NFASC: variants seen among roughly 807,000 people sequenced by gnomAD.
NFASC encodes neurofascin, also known as neurofascin homolog.
In NFASC, 43 loss-of-function variants were observed where a neutral mutation model predicts 147.5. The observed-to-expected ratio is 0.29, with a 90% CI of 0.23 to 0.38. The LOEUF (loss-of-function observed/expected upper bound fraction) is 0.38, where lower values mean the gene tolerates loss of function less well. Ranked by LOEUF, NFASC falls within the 10% of genes least tolerant of loss-of-function variation. The pLI is 1.00. For synonymous variants in NFASC, 622 were observed against 665.5 expected, an observed-to-expected ratio of 0.93 and a Z score of 1.01; for missense variants, 1,320 against 1,689.0, an observed-to-expected ratio of 0.78 and a Z score of 3.83.
intron 1 of NFASC, among the ~76,000 whole-genome samples, chr1:204,836,487 T>C (rs566935183): frequency 2.6e-5 from 4 of 152,314 alleles, no homozygotes; most frequent in Admixed American, 2.0e-4. Flanking sequence ...AGCCAGAGTT[T>C]TATTTGGGGG....
chr1:204,982,568 C>T (rs1270323053), intron 21 of NFASC, among the ~76,000 whole-genome samples: 1 of 152,264 alleles, frequency 6.6e-6, no homozygotes, highest in Non-Finnish European at 1.5e-5. Context: ...CTGCGGCTCC[C>T]AGCCCTGGGA....
At chr1:204,966,620 T>C (rs2094963300) in intron 8 of NFASC, among the ~76,000 whole-genome samples, 1 of 152,192 alleles carries the variant, frequency 6.6e-6, no homozygotes, top group African/African-American at 2.4e-5. Flanking sequence ...ATTAACCACA[T>C]AATGGATTAA....
At position 204,969,000 on chromosome 1, in the gene NFASC, A is replaced by G; in HGVS notation, c.1003+18A>G. Reference sequence around the variant, plus strand: ...AGTAAAGGGTACGTTGTGTGTATTTATCATTATGATTATGTTGCCAACCCT... The same window carrying G: ...AGTAAAGGGTACGTTGTGTGTATTTGTCATTATGATTATGTTGCCAACCCT... On this transcript the variant is annotated intron_variant, in intron 10 of 29. Coordinates refer to ENST00000339876, the MANE Select transcript of NFASC (RefSeq NM_001005388.3). The surrounding 1 kb of genome is among the most constrained non-coding windows in gnomAD (Gnocchi z 5.4). 1 of 1,603,288 alleles carries G rather than the reference A, an allele frequency of 6.2e-7. No individual in the cohort carries two copies. Among genetic ancestry groups the G allele is most frequent in the Non-Finnish European group, 8.5e-7 (1 of 1,172,712 alleles).
In NFASC at chr1:204,975,156, G is replaced by C. The variant is rs1038756174; in HGVS notation, c.1559-115G>C. On this transcript the variant is annotated intron_variant, in intron 14 of 29. Coordinates refer to ENST00000339876, the MANE Select transcript of NFASC (RefSeq NM_001005388.3). This position sits in a 1 kb window ranked among gnomAD's most constrained non-coding sequence, Gnocchi z 4.0. ...GTTCATACCATAGCATACTGTTTGT[G>C]CCCCACTCCATAGTTGGCCCAAGGC... is the stretch of plus-strand genomic sequence containing the variant. The C allele has an allele frequency of 2.6e-6, 3 of 1,144,790 alleles. No individual in the cohort carries two copies. In the African/African-American group the frequency reaches 4.6e-5, roughly 18 times the overall value. 70.9% of individuals were successfully genotyped at this position (1,144,790 alleles called of 1,614,324 possible).
rs1357130732 is a variant in NFASC at position 204,979,375 on chromosome 1, G to A, written c.1992G>A (p.Gln664=). 1.2e-6 allele frequency: 2 copies of A among 1,614,168 alleles called. No individual in the cohort carries two copies. Among genetic ancestry groups the A allele is most frequent in the East Asian group, 2.2e-5 (1 of 44,896 alleles). ...NNSPITDYVV[Q]FEEDQFQPGV... ...TTGCCCACTCAGACTACGTCGTCCA[G>A]TTTGAAGAAGACCAGTTCCAACCTG... Residue 664 remains glutamine, a synonymous_variant, in exon 19 of 30, where the codon CAG becomes CAA. Coordinates refer to ENST00000339876, the MANE Select transcript of NFASC (RefSeq NM_001005388.3). The surrounding 1 kb of genome is among the most constrained non-coding windows in gnomAD (Gnocchi z 6.0).
At chr1:204,890,123 T>A (rs573886471) in intron 1 of NFASC, among the ~76,000 whole-genome samples, 124 of 152,192 alleles carry the variant, frequency 8.1e-4, no homozygotes, top group African/African-American at 2.7e-3. Flanking sequence ...ATTGGTTGAC[T>A]TGCCTGACAG....
At chr1:204,849,210 C>T (rs866616992) in intron 1 of NFASC, among the ~76,000 whole-genome samples, 50 of 152,302 alleles carry the variant, frequency 3.3e-4, no homozygotes, top group African/African-American at 1.1e-3. Context: ...GCCTCTCTAC[C>T]GAAACTAGCT....
Position 204,968,872 on chromosome 1 carries a change from A to G in NFASC, c.893A>G (p.Asn298Ser), listed in dbSNP as rs1354123607. 8.7e-6 allele frequency: 14 copies of G among 1,613,964 alleles called. No individual in the cohort carries two copies. The highest frequency in any genetic ancestry group is 1.1e-5 in the Non-Finnish European group (13 of 1,180,022). Residue 298 changes from asparagine to serine, a missense_variant, in exon 10 of 30, where the codon AAT becomes AGT. This residue lies in a region of NFASC where 981 missense variants were observed against 1,289.5 expected (regional missense o/e 0.76). Coordinates refer to ENST00000339876, the MANE Select transcript of NFASC (RefSeq NM_001005388.3). This position sits in a 1 kb window ranked among gnomAD's most constrained non-coding sequence, Gnocchi z 5.4. ...GATAAGGCCAAGTTTGAGAACTTTA[A>G]TAAGGCCCTGCGTATCACAAATGTC... ...PSDKAKFENFNKALRITNVSE... is the reference protein window; with the variant it reads ...PSDKAKFENFSKALRITNVSE...
intron 13 of NFASC, 61 bp from the exon 14 acceptor site, chr1:204,974,596 G>T (rs755117121): frequency 3.2e-6 from 5 of 1,574,240 alleles, no homozygotes; most frequent in Non-Finnish European, 3.5e-6. Flanking sequence ...ATTGGCTGCT[G>T]CCCCTGCCCT....
chr1:204,954,253 G>A lies in NFASC; in HGVS notation c.281G>A (p.Arg94Lys). 6.2e-7 allele frequency: 1 copy of A among 1,614,232 alleles called. No individual in the cohort carries two copies. The highest frequency in any genetic ancestry group is 8.5e-7 in the Non-Finnish European group (1 of 1,180,050). The change falls in exon 6 of 30, where the codon AGG (arginine) becomes AAG (lysine). Residue 94 changes from arginine (R) to lysine (K), a missense_variant. Transcript: ENST00000339876. This position sits in a 1 kb window ranked among gnomAD's most constrained non-coding sequence, Gnocchi z 5.7. The part of the protein sequence containing the change: ...IAKDPRVSMR[R>K]RSGTLVIDFR... Reference sequence around the variant, plus strand: ...AAGGACCCCCGGGTGTCCATGAGGAGGAGGTCTGGGACCCTGGTGATTGAC... The same window carrying A: ...AAGGACCCCCGGGTGTCCATGAGGAAGAGGTCTGGGACCCTGGTGATTGAC...
In NFASC at chr1:204,882,008, G is replaced by T. The variant is rs1464226778; in HGVS notation, c.-199-38624G>T. 3.3e-5 allele frequency among the ~76,000 whole-genome samples: 5 copies of T among 151,890 alleles called. No homozygotes were observed. In the East Asian group the frequency reaches 9.7e-4, roughly 29 times the overall value. ...CCCTTACTCCTGATGTTTCCTCTTA[G>T]TAATTTTCCATCCACCAACCCCCAC... On this transcript the variant is annotated intron_variant, in intron 1 of 29. Coordinates refer to ENST00000339876, the MANE Select transcript of NFASC (RefSeq NM_001005388.3).
chr1:204,975,528 A>G lies in NFASC; in HGVS notation c.1706+110A>G. The G allele has an allele frequency of 7.0e-7, 1 of 1,420,780 alleles. No homozygotes were observed. The highest frequency in any genetic ancestry group is 9.7e-7 in the Non-Finnish European group (1 of 1,030,778). 88.0% of individuals were successfully genotyped at this position (1,420,780 alleles called of 1,614,324 possible). On this transcript the variant is annotated intron_variant, in intron 15 of 29. Transcript: ENST00000339876. The surrounding 1 kb of genome is among the most constrained non-coding windows in gnomAD (Gnocchi z 4.0). ...CAGGGACAGGGAACCCGTGTCATGC[A>G]TGTCACCAAGGAGCTTCTGCAGAGG... is the stretch of plus-strand genomic sequence containing the variant.
At chr1:205,000,775 C>T (rs759826121) in intron 25 of NFASC, 6 of 222,738 alleles carry the variant, frequency 2.7e-5, no homozygotes, top group East Asian at 1.5e-4. Context: ...TACAGTGAGT[C>T]GAGATCGCAC....
chr1:204,890,223 A>G (rs1000112188), intron 1 of NFASC, among the ~76,000 whole-genome samples: 4 of 152,188 alleles, frequency 2.6e-5, no homozygotes, highest in Non-Finnish European at 5.9e-5. Context: ...CCCTTCCTGC[A>G]TCCATCCATT....
At chr1:204,967,860 G>C (rs1275532706) in intron 8 of NFASC, 1 of 173,178 alleles carries the variant, frequency 5.8e-6, no homozygotes, top group Non-Finnish European at 1.2e-5. Context: ...TGCCTGGGGA[G>C]AAGGACCGCT....
intron 29 of NFASC, among the ~76,000 whole-genome samples, chr1:205,014,360 G>A (rs894349745): frequency 6.6e-6 from 1 of 152,208 alleles, no homozygotes; most frequent in African/African-American, 2.4e-5. Context: ...CCTTGGATGA[G>A]TCTAAGAGCC....
chr1:204,870,721 A>T (rs1217284429), intron 1 of NFASC: 1 of 1,118,508 alleles, frequency 8.9e-7, no homozygotes, highest in African/African-American at 1.6e-5. Context: ...ATTAATAAAC[A>T]AGTGTATTGT....
At chr1:205,012,908 C>CCTGT (rs749102111) in intron 29 of NFASC, 42 bp downstream of exon 29, 2 of 1,457,542 alleles carry the variant, frequency 1.4e-6, no homozygotes, top group Admixed American at 1.7e-5. Flanking sequence ...GGCTGTCCTC[C>CCTGT]CTGTCCCTGA....
chr1:204,869,758 C>T (rs1204763039), intron 1 of NFASC, among the ~76,000 whole-genome samples: 1 of 152,172 alleles, frequency 6.6e-6, no homozygotes, highest in Non-Finnish European at 1.5e-5. Context: ...TCGCCTGCTC[C>T]AGAGCTCTTA....
Sources: allele counts gnomAD v4.1 joint callset (sites outside exome capture counted in the v4.1 genomes callset), GRCh38; gene constraint gnomAD v4.1.1; regional missense constraint gnomAD v4.1.1; non-coding constraint Gnocchi (gnomAD v3.1); transcripts MANE v1.5; gene names NCBI Gene and HGNC (gene_info 2026-07-23, HGNC 2026-07-21).